Variants in TRPC5 observed in about 807,000 individuals in gnomAD.
TRPC5 encodes the protein short transient receptor potential channel 5.
TRPC5 carries 9 observed loss-of-function variants against 56.5 expected under a neutral mutation model. The observed-to-expected ratio is 0.16, with a 90% CI of 0.10 to 0.28. TRPC5 has a LOEUF of 0.28. Ranked by LOEUF, TRPC5 falls within the 10% of genes least tolerant of loss-of-function variation. The pLI is 1.00. For synonymous variants in TRPC5, 282 were observed against 278.5 expected (o/e 1.01, Z -0.13); for missense variants, 469 against 748.9 (o/e 0.63, Z 4.36).
rs760530444 is a variant in TRPC5, at chrX:111,950,120, C to G, written c.378+1923G>C. ...TGGGCAGATCACGAGGTCAGGAGAT[C>G]AAGAACATCCTGGCTAACACAGTGA... On this transcript the variant is annotated intron_variant, in intron 2 of 10. Coordinates refer to ENST00000262839, the MANE Select transcript of TRPC5 (RefSeq NM_012471.3). Among the ~76,000 whole-genome samples the G allele has an allele frequency of 1.4e-3, 151 of 111,205 alleles. 1 individual carries two copies. Among genetic ancestry groups the G allele is most frequent in the South Asian group, 1.9e-3 (5 of 2,624 alleles).
In TRPC5 at chrX:111,772,406, A is replaced by C. The variant is rs1040696852; in HGVS notation, c.*3907T>G. On this transcript the variant is annotated 3_prime_UTR_variant, in exon 11 of 11. Coordinates refer to ENST00000262839, the MANE Select transcript of TRPC5 (RefSeq NM_012471.3). Reference sequence around the variant, plus strand: ...GCAATCTTTTGAAAACTTGATTACCAAGAAAATATACTCAATTTTTCTTAG... The same window carrying C: ...GCAATCTTTTGAAAACTTGATTACCCAGAAAATATACTCAATTTTTCTTAG... 1.8e-5 allele frequency among the ~76,000 whole-genome samples: 2 copies of C among 111,786 alleles called. No homozygotes were observed. Among genetic ancestry groups the C allele is most frequent in the African/African-American group, 6.5e-5 (2 of 30,785 alleles).
chrX:111,799,687 GT>G (rs1244714028), intron 7 of TRPC5, among the ~76,000 whole-genome samples: 1 of 111,414 alleles, frequency 9.0e-6, no homozygotes, highest in Non-Finnish European at 1.9e-5. Flanking sequence ...AGAGAAAACT[GT>G]GCCTAGATAT....
intron 1 of TRPC5, among the ~76,000 whole-genome samples, chrX:111,985,186 G>A (rs1297433376): frequency 8.9e-6 from 1 of 112,166 alleles, no homozygotes; most frequent in Non-Finnish European, 1.9e-5. Context: ...CCACCGTAAT[G>A]GCTCACACTC....
chrX:111,784,914 G>C (rs961500913), intron 7 of TRPC5, among the ~76,000 whole-genome samples: 1 of 112,526 alleles, frequency 8.9e-6, no homozygotes, highest in Non-Finnish European at 1.9e-5. Flanking sequence ...AAGCAGCCAG[G>C]AAGCTCGAAC....
At chrX:112,048,200 A>G (rs1420701242) in intron 1 of TRPC5, among the ~76,000 whole-genome samples, 2 of 111,834 alleles carry the variant, frequency 1.8e-5, no homozygotes, top group Non-Finnish European at 3.8e-5. Flanking sequence ...GTAGAAAAAT[A>G]TCTACTGACA....
chrX:111,833,844 C>T (rs1354178296), intron 7 of TRPC5, among the ~76,000 whole-genome samples: 2 of 111,421 alleles, frequency 1.8e-5, no homozygotes, highest in African/African-American at 3.3e-5. Flanking sequence ...AATAACTCCT[C>T]AGTGGCAAAC....
At chrX:111,873,821 C>T (rs1353720347) in intron 3 of TRPC5, among the ~76,000 whole-genome samples, 1 of 104,596 alleles carries the variant, frequency 9.6e-6, no homozygotes, top group South Asian at 4.2e-4. Flanking sequence ...AATAAAAAAG[C>T]AAAAAAAAAA....
intron 3 of TRPC5, among the ~76,000 whole-genome samples, chrX:111,889,607 A>G (rs1255314632): frequency 1.8e-5 from 2 of 111,965 alleles, no homozygotes; most frequent in Non-Finnish European, 3.8e-5. Flanking sequence ...CTCTTTACCC[A>G]TGTTTAAAAT....
intron 1 of TRPC5, among the ~76,000 whole-genome samples, chrX:112,020,828 T>C (rs1929254521): frequency 9.1e-6 from 1 of 110,321 alleles, no homozygotes; most frequent in African/African-American, 3.3e-5. Context: ...TGTTCATTTT[T>C]CCAAGGATTC....
intron 6 of TRPC5, among the ~76,000 whole-genome samples, chrX:111,843,052 A>C (rs768015788): frequency 8.9e-6 from 1 of 112,839 alleles, no homozygotes; most frequent in Non-Finnish European, 1.9e-5. Context: ...ACAGCTATGC[A>C]AGATGTTATG....
chrX:112,049,033 T>C, intron 1 of TRPC5, among the ~76,000 whole-genome samples: 1 of 111,848 alleles, frequency 8.9e-6, no homozygotes, highest in Non-Finnish European at 1.9e-5. Context: ...GTTCTAGACC[T>C]GCTATTGAGT....
chrX:111,878,485 G>T (rs1017841588), intron 3 of TRPC5, among the ~76,000 whole-genome samples: 1 of 111,723 alleles, frequency 9.0e-6, no homozygotes, highest in African/African-American at 3.3e-5. Context: ...CTGGTTGTTA[G>T]GATGGAAAGA....
intron 6 of TRPC5, among the ~76,000 whole-genome samples, chrX:111,838,243 G>C (rs966312213): frequency 2.7e-5 from 3 of 111,610 alleles, no homozygotes; most frequent in African/African-American, 9.8e-5. Context: ...CCTCCGTTTT[G>C]GTGGTTGGTA....
chrX:112,027,433 T>C (rs1929442565), intron 1 of TRPC5, among the ~76,000 whole-genome samples: 1 of 112,260 alleles, frequency 8.9e-6, no homozygotes. Flanking sequence ...TATGTTTAAG[T>C]TTCAGACCAA....
intron 3 of TRPC5, among the ~76,000 whole-genome samples, chrX:111,860,764 T>C (rs980381326): frequency 1.8e-5 from 2 of 112,165 alleles, no homozygotes; most frequent in African/African-American, 6.5e-5. Context: ...TAATATTCCC[T>C]AAAATATAAT....
chrX:111,963,715 G>T (rs1927466281), intron 1 of TRPC5, among the ~76,000 whole-genome samples: 3 of 112,105 alleles, frequency 2.7e-5, no homozygotes, highest in African/African-American at 9.7e-5. Flanking sequence ...GGCAAATAGG[G>T]TCTGGAGTGG....
chrX:112,057,721 T>A (rs183208230), intron 1 of TRPC5, among the ~76,000 whole-genome samples: 2 of 112,366 alleles, frequency 1.8e-5, no homozygotes, highest in East Asian at 5.6e-4. Flanking sequence ...TAGATGATCA[T>A]CGTTTCCAGA....
rs768518458 is a variant in TRPC5 at position 111,847,363 on chromosome X, A to G, written c.1451T>C (p.Ile484Thr). 1.7e-6 allele frequency: 2 copies of G among 1,211,493 alleles called. No homozygotes were observed. The highest frequency in any genetic ancestry group is 3.5e-5 in the South Asian group (2 of 56,935). Residue 484 changes from isoleucine (I) to threonine (T), a missense_variant, in exon 6 of 11, where the codon ATA (isoleucine) becomes ACA (threonine). Physicochemically the swap from Ile to Thr is moderately conservative, Grantham distance 89. This residue lies in a region of TRPC5 where 157 missense variants were observed against 360.0 expected (regional missense o/e 0.44). Transcript: ENST00000262839. Reference protein sequence around the residue: ...PTLIAEALFAISNILSSLRLI... With the variant: ...PTLIAEALFATSNILSSLRLI... ...ACGCAACGAACTTAAAATGTTGGAT[A>G]TTGCGAAGAGTGCTTCCGCAATCAG... is the stretch of plus-strand genomic sequence containing the variant.
intron 1 of TRPC5, among the ~76,000 whole-genome samples, chrX:112,001,426 C>T (rs925566230): frequency 1.8e-5 from 2 of 111,975 alleles, no homozygotes; most frequent in African/African-American, 6.5e-5. Context: ...GTGCTTGGAA[C>T]ACAGGAAGTG....
Sources: gnomAD v4.1 joint callset for allele counts (sites outside exome capture counted in the v4.1 genomes callset) on GRCh38, gnomAD v4.1.1 for gene constraint, gnomAD v4.1.1 regional missense constraint, MANE v1.5 for transcripts, NCBI Gene and HGNC (gene_info 2026-07-23, HGNC 2026-07-21) for gene names.